The following CBR4 variants were observed in gnomAD, a reference collection of about 807,000 sequenced individuals.
CBR4 encodes the protein carbonyl reductase 4.
CBR4 carries 22 observed loss-of-function variants against 21.0 expected under a neutral mutation model. The ratio of observed to expected loss-of-function variants is 1.05; its 90% CI spans 0.75 to 1.50. The LOEUF is 1.50. CBR4 is among the 40% of genes most tolerant of loss of function. The pLI, the probability that CBR4 is intolerant of heterozygous loss-of-function variation, is 0.00. For missense variants in CBR4, 302 were observed against 286.3 expected (o/e 1.05, Z -0.40); for synonymous variants, 100 against 104.4 (o/e 0.96, Z 0.26).
intron 2 of CBR4, among the ~76,000 whole-genome samples, chr4:168,933,564 T>C (rs1763023863): frequency 6.6e-6 from 1 of 152,076 alleles, no homozygotes; most frequent in Non-Finnish European, 1.5e-5. Flanking sequence ...AAAATAACAG[T>C]TGGGAACTTT....
rs1009951958 is a variant in CBR4 at position 168,987,888 on chromosome 4, A to G, written c.*2262T>C. 14 of 981,672 alleles carry G rather than the reference A, an allele frequency of 1.4e-5. No individual in the cohort carries two copies. In the African/African-American group the frequency reaches 2.4e-4, roughly 17 times the overall value. 60.8% of individuals were successfully genotyped at this position (981,672 alleles called of 1,614,324 possible). ...AAATTGAATATGAATAAAATATGAAAAAGAGCACAAATTTTAAAGCCCTCC... is the reference window on the plus strand; with the variant it reads ...AAATTGAATATGAATAAAATATGAAGAAGAGCACAAATTTTAAAGCCCTCC... On this transcript the variant is annotated 3_prime_UTR_variant, in exon 5 of 5. Coordinates refer to ENST00000306193, the MANE Select transcript of CBR4 (RefSeq NM_032783.5).
intron 3 of CBR4, chr4:168,894,538 T>A (rs1462604369): frequency 7.5e-7 from 1 of 1,339,908 alleles, no homozygotes; most frequent in Non-Finnish European, 1.1e-6. Flanking sequence ...TATTTGTGAT[T>A]TTTTTCTAAT....
At chr4:168,894,957 T>C (rs1050888249) in intron 2 of CBR4, among the ~76,000 whole-genome samples, 3 of 152,228 alleles carry the variant, frequency 2.0e-5, no homozygotes, top group African/African-American at 7.2e-5. Context: ...TATCCTAAGT[T>C]TTATGCAAAA....
At chr4:168,936,439 G>A (rs542852602) in intron 2 of CBR4, among the ~76,000 whole-genome samples, 8 of 152,170 alleles carry the variant, frequency 5.3e-5, no homozygotes, top group South Asian at 4.2e-4. Flanking sequence ...TGAGTTTGAC[G>A]AACTGACAGA....
intron 2 of CBR4, among the ~76,000 whole-genome samples, chr4:168,922,511 T>G (rs973045623): frequency 6.6e-6 from 1 of 152,188 alleles, no homozygotes; most frequent in Admixed American, 6.5e-5. Context: ...AGCTGATGAT[T>G]AGATTTAACA....
At position 168,924,358 on chromosome 4, in the gene CBR4, A is replaced by T. The variant is rs1762169081; in HGVS notation, n.170-29593T>A. The T allele has an allele frequency of 6.2e-7, 1 of 1,613,974 alleles. No individual in the cohort carries two copies. The highest frequency in any genetic ancestry group is 8.5e-7 in the Non-Finnish European group (1 of 1,179,888). On this transcript the variant is annotated intron_variant and non_coding_transcript_variant, in intron 2 of 3. Coordinates refer to the CBR4 transcript ENST00000509108. Reference sequence around the variant, plus strand: ...TGGAATGTCGTGTATTGGGAGTGCCACCACCTCAGATATTTTGGAAGAAAG... The same window carrying T: ...TGGAATGTCGTGTATTGGGAGTGCCTCCACCTCAGATATTTTGGAAGAAAG...
At chr4:168,990,664 G>A (rs192083756) in intron 4 of CBR4, among the ~76,000 whole-genome samples, 20 of 151,850 alleles carry the variant, frequency 1.3e-4, no homozygotes, top group Non-Finnish European at 2.7e-4. Context: ...TCAAGGGATC[G>A]GCCCACCTCA....
intron 4 of CBR4, among the ~76,000 whole-genome samples, chr4:168,995,269 A>G (rs1397075918): frequency 6.6e-6 from 1 of 152,206 alleles, no homozygotes; most frequent in Non-Finnish European, 1.5e-5. Context: ...CTGTGTTGAA[A>G]GGAACTGATC....
chr4:168,946,996 A>G (rs965997296), intron 2 of CBR4, among the ~76,000 whole-genome samples: 7 of 152,138 alleles, frequency 4.6e-5, no homozygotes. Context: ...ACAAATATAT[A>G]CCTTAGCAAT....
At position 168,988,182 on chromosome 4, in the gene CBR4, G is replaced by A. The variant is rs1417274391; in HGVS notation, c.*1968C>T. ...TACAAATTCTACTAGGTCAGTGGGAGTGGGCGGATTCACCTGGAGTGGAGC... is the reference window on the plus strand; with the variant it reads ...TACAAATTCTACTAGGTCAGTGGGAATGGGCGGATTCACCTGGAGTGGAGC... On this transcript the variant is annotated 3_prime_UTR_variant, in exon 5 of 5. Transcript: ENST00000306193. 2.0e-6 allele frequency: 2 copies of A among 985,294 alleles called. No homozygotes were observed. Among genetic ancestry groups the A allele is most frequent in the Admixed American group, 1.2e-4 (2 of 16,266 alleles). 61.0% of individuals were successfully genotyped at this position (985,294 alleles called of 1,614,324 possible).
chr4:168,971,850 C>G (rs1341516350), intron 2 of CBR4, among the ~76,000 whole-genome samples: 1 of 152,108 alleles, frequency 6.6e-6, no homozygotes, highest in Non-Finnish European at 1.5e-5. Flanking sequence ...TGGTCCTTGG[C>G]CATGAACTCT....
At chr4:168,910,785 G>A (rs191199256) in intron 2 of CBR4, among the ~76,000 whole-genome samples, 103 of 152,292 alleles carry the variant, frequency 6.8e-4, no homozygotes, top group African/African-American at 2.4e-3. Flanking sequence ...ACTGATTCCA[G>A]AGCTACTGAA....
At chr4:168,941,793 G>A (rs535710461) in intron 2 of CBR4, among the ~76,000 whole-genome samples, 15 of 152,292 alleles carry the variant, frequency 9.8e-5, no homozygotes, top group African/African-American at 3.6e-4. Context: ...CTGGGGTTTT[G>A]ATTTGCATTT....
intron 2 of CBR4, among the ~76,000 whole-genome samples, chr4:168,900,470 G>A (rs1274423886): frequency 2.6e-5 from 4 of 152,088 alleles, no homozygotes; most frequent in Admixed American, 6.5e-5. Flanking sequence ...AATAAGCATA[G>A]AGCAATGTAC....
chr4:168,906,745 C>T (rs1051638302), intron 2 of CBR4, among the ~76,000 whole-genome samples: 1 of 152,118 alleles, frequency 6.6e-6, no homozygotes, highest in African/African-American at 2.4e-5. Flanking sequence ...CCATCTCAGC[C>T]TCCCAAAGCA....
intron 2 of CBR4, among the ~76,000 whole-genome samples, chr4:168,950,039 GTTTAA>G (rs756442786): frequency 5.9e-5 from 9 of 152,146 alleles, no homozygotes; most frequent in South Asian, 2.1e-4. Context: ...TGGTCTATCA[GTTTAA>G]TTTATCTTTT....
intron 2 of CBR4, among the ~76,000 whole-genome samples, chr4:168,946,479 C>T (rs958052736): frequency 3.6e-4 from 55 of 152,154 alleles, no homozygotes; most frequent in African/African-American, 1.3e-3. Flanking sequence ...AAATGCTGCA[C>T]CATGTGTGAT....
At chr4:168,917,936 C>T (rs1429088653) in intron 2 of CBR4, among the ~76,000 whole-genome samples, 1 of 152,162 alleles carries the variant, frequency 6.6e-6, no homozygotes, top group East Asian at 1.9e-4. Context: ...CACAGTGGCA[C>T]ACGCCTGTAA....
chr4:168,982,608 A>C (rs1290456205), downstream of CBR4, among the ~76,000 whole-genome samples: 1 of 152,204 alleles, frequency 6.6e-6, no homozygotes, highest in African/African-American at 2.4e-5. Context: ...CAAAAACAAC[A>C]GAATATACGT....
Sources: allele counts gnomAD v4.1 joint callset (sites outside exome capture counted in the v4.1 genomes callset), GRCh38; gene constraint gnomAD v4.1.1; transcripts MANE v1.5; gene names NCBI Gene and HGNC (gene_info 2026-07-23, HGNC 2026-07-21).